ARHGEF38: variants seen among roughly 807,000 people sequenced by gnomAD.
The protein encoded by ARHGEF38 is Rho guanine nucleotide exchange factor 38.
Under a neutral mutation model 79.9 loss-of-function variants are expected in ARHGEF38, and 79 were observed. The ratio of observed to expected loss-of-function variants is 0.99; its 90% CI spans 0.82 to 1.19. The LOEUF (loss-of-function observed/expected upper bound fraction) is 1.19. ARHGEF38 is among the 50% of genes most tolerant of loss of function. The pLI is 0.00. For synonymous variants in ARHGEF38, 366 were observed against 328.3 expected (o/e 1.11, Z -1.24); for missense variants, 962 against 907.2 (o/e 1.06, Z -0.78).
chr4:105,666,118 A>G, intron 10 of ARHGEF38, 59 bp from the exon 11 acceptor site: 1 of 1,404,834 alleles, frequency 7.1e-7, no homozygotes, highest in East Asian at 2.5e-5. Flanking sequence ...CAATACATTT[A>G]ACACCTGATA....
At chr4:105,599,331 A>G (rs998976524) in intron 2 of ARHGEF38, among the ~76,000 whole-genome samples, 1 of 152,184 alleles carries the variant, frequency 6.6e-6, no homozygotes, top group African/African-American at 2.4e-5. Flanking sequence ...GTCCAGATCG[A>G]TCAGAATCTG....
At chr4:105,602,123 T>C (rs970658330) in intron 2 of ARHGEF38, among the ~76,000 whole-genome samples, 12 of 152,088 alleles carry the variant, frequency 7.9e-5, no homozygotes, top group Non-Finnish European at 1.3e-4. Context: ...TGAGTAAACA[T>C]TGGTTAGGTG....
intron 1 of ARHGEF38, among the ~76,000 whole-genome samples, chr4:105,576,287 T>C (rs1389514117): frequency 8.5e-5 from 13 of 152,186 alleles, no homozygotes; most frequent in Admixed American, 8.5e-4. Context: ...TAGCATGGAA[T>C]GTGTTTCTGT....
At chr4:105,598,223 C>A (rs1157388185) in intron 2 of ARHGEF38, among the ~76,000 whole-genome samples, 2 of 152,202 alleles carry the variant, frequency 1.3e-5, no homozygotes, top group Non-Finnish European at 2.9e-5. Flanking sequence ...CCACTTCCAT[C>A]TCCTATTCGA....
chr4:105,591,669 T>G (rs1727347119), intron 2 of ARHGEF38, among the ~76,000 whole-genome samples: 1 of 152,252 alleles, frequency 6.6e-6, no homozygotes, highest in Admixed American at 6.5e-5. Flanking sequence ...GGAAGCCTTT[T>G]CTTACACAGG....
intron 3 of ARHGEF38, among the ~76,000 whole-genome samples, chr4:105,620,487 A>G (rs926450963): frequency 6.6e-6 from 1 of 152,230 alleles, no homozygotes; most frequent in African/African-American, 2.4e-5. Context: ...ATGATGTTAT[A>G]AATTATTATC....
chr4:105,560,409 T>C (rs1725459342), intron 1 of ARHGEF38, among the ~76,000 whole-genome samples: 1 of 152,202 alleles, frequency 6.6e-6, no homozygotes, highest in Non-Finnish European at 1.5e-5. Context: ...ACTTAATATA[T>C]ATCAGAATAA....
chr4:105,678,699 A>G lies in ARHGEF38; in HGVS notation c.*762A>G, dbSNP rs1015187926. 6.6e-6 allele frequency: 1 copy of G among 152,144 alleles called. No individual in the cohort carries two copies. Among genetic ancestry groups the G allele is most frequent in the African/African-American group, 2.4e-5 (1 of 41,430 alleles). The allele number at this position is 152,144 out of a possible 1,614,324, so 9.4% of individuals were successfully genotyped here. A position where few individuals can be genotyped will look rare whatever the true frequency, so the allele number is the denominator to read the frequency against. Reference sequence around the variant, plus strand: ...ATTTAATCCAAATCACATTGCTATTAAGTGGTGGGCCTGGACTTAAACCTA... The same window carrying G: ...ATTTAATCCAAATCACATTGCTATTGAGTGGTGGGCCTGGACTTAAACCTA... On this transcript the variant is annotated 3_prime_UTR_variant, in exon 14 of 14. Coordinates refer to ENST00000420470, the MANE Select transcript of ARHGEF38 (RefSeq NM_001242729.2).
At chr4:105,558,473 A>C (rs1189280714) in intron 1 of ARHGEF38, among the ~76,000 whole-genome samples, 1 of 152,182 alleles carries the variant, frequency 6.6e-6, no homozygotes, top group African/African-American at 2.4e-5. Context: ...GAAGTATTTG[A>C]ATCAGTAATG....
At chr4:105,567,593 A>T (rs2903392) in intron 1 of ARHGEF38, among the ~76,000 whole-genome samples, 147,874 of 152,312 alleles carry the variant, frequency 0.97, 71,786 homozygotes, top group East Asian at 1. Flanking sequence ...TTGTGTATTT[A>T]AGGGAGATAA....
intron 7 of ARHGEF38, 62 bp downstream of exon 7, chr4:105,648,744 G>A: frequency 2.1e-6 from 3 of 1,448,980 alleles, no homozygotes; most frequent in Non-Finnish European, 2.7e-6. Context: ...ATATTTTTGT[G>A]AGGTTTTGTT....
intron 3 of ARHGEF38, among the ~76,000 whole-genome samples, chr4:105,615,117 T>A (rs1190639801): frequency 6.6e-6 from 1 of 151,992 alleles, no homozygotes; most frequent in Admixed American, 6.6e-5. Context: ...AAATGCCAAG[T>A]GTGTTTAGGA....
chr4:105,668,692 AGATAGAT>A (rs1344986378), intron 13 of ARHGEF38, among the ~76,000 whole-genome samples: 1 of 151,826 alleles, frequency 6.6e-6, no homozygotes, highest in Non-Finnish European at 1.5e-5. Flanking sequence ...ATAGATAGAT[AGATAGAT>A]AGATAGATGA....
At chr4:105,657,019 A>G (rs1453566301) in intron 9 of ARHGEF38, among the ~76,000 whole-genome samples, 1 of 151,064 alleles carries the variant, frequency 6.6e-6, no homozygotes, top group East Asian at 2.0e-4. Context: ...TGATGATGAG[A>G]TAGATAGATG....
chr4:105,576,306 G>A (rs1440180982), intron 1 of ARHGEF38, among the ~76,000 whole-genome samples: 1 of 151,690 alleles, frequency 6.6e-6, no homozygotes, highest in Non-Finnish European at 1.5e-5. Flanking sequence ...GTTTGTTTGT[G>A]TCATCTATGC....
In ARHGEF38 at chr4:105,558,825, T is replaced by G. The variant is rs147410714; in HGVS notation, c.196+5864T>G. 1.1e-3 allele frequency among the ~76,000 whole-genome samples: 163 copies of G among 152,080 alleles called. No individual in the cohort carries two copies. The East Asian group carries it at 0.021, about 20-fold the overall frequency. On this transcript the variant is annotated intron_variant, in intron 1 of 13. Coordinates refer to ENST00000420470, the MANE Select transcript of ARHGEF38 (RefSeq NM_001242729.2). ...ACAATTTCTAGTTGTGCTTTTTTTT[T>G]TTGTTTATAAAAATTATGGGTTTAT...
Position 105,667,400 on chromosome 4 carries a change from A to G in ARHGEF38, c.1889-44A>G, listed in dbSNP as rs1730790850. On this transcript the variant is annotated intron_variant, in intron 12 of 13. Transcript: ENST00000420470. ...CTGAGGGCACATGTTTGGGAAGAGT[A>G]TACCCATGAACTTGGTTCTTCTTTC... 3 of 1,534,288 alleles carry G rather than the reference A, an allele frequency of 2.0e-6. No homozygotes were observed. The South Asian group carries it at 3.6e-5, about 18-fold the overall frequency.
At chr4:105,584,503 C>G (rs1726937729) in intron 1 of ARHGEF38, among the ~76,000 whole-genome samples, 2 of 152,108 alleles carry the variant, frequency 1.3e-5, no homozygotes, top group Non-Finnish European at 2.9e-5. Context: ...AAAATTGATA[C>G]AGGAAGAGCT....
At chr4:105,589,685 T>C (rs1408470698) in intron 2 of ARHGEF38, among the ~76,000 whole-genome samples, 2 of 151,956 alleles carry the variant, frequency 1.3e-5, no homozygotes, top group Non-Finnish European at 2.9e-5. Flanking sequence ...AATTAAGATA[T>C]GTTATATGGT....
Sources: gnomAD v4.1 joint callset for allele counts (sites outside exome capture counted in the v4.1 genomes callset) on GRCh38, gnomAD v4.1.1 for gene constraint, MANE v1.5 for transcripts, NCBI Gene and HGNC (gene_info 2026-07-23, HGNC 2026-07-21) for gene names.